ZNF611: variants seen among roughly 807,000 people sequenced by gnomAD.
The protein encoded by ZNF611 is zinc finger protein 611.
In ZNF611, 6 loss-of-function variants were observed where a neutral mutation model predicts 8.9. That is an observed-to-expected ratio of 0.68 (90% CI 0.37 to 1.34). ZNF611 has a LOEUF of 1.34. Ranked by LOEUF, ZNF611 falls within the 40% of genes most tolerant of loss-of-function variation. The probability of loss-of-function intolerance (pLI) is 0.02; values close to 1 mark genes in which losing one functional copy is unlikely to be tolerated. For synonymous variants in ZNF611, 262 were observed against 279.7 expected, an observed-to-expected ratio of 0.94 and a Z score of 0.63; for missense variants, 874 against 841.3, an observed-to-expected ratio of 1.04 and a Z score of -0.48.
chr19:52,710,932 C>CT (rs2062275386), intron 5 of ZNF611, among the ~76,000 whole-genome samples: 1 of 109,732 alleles, frequency 9.1e-6, no homozygotes, highest in Non-Finnish European at 1.9e-5. Flanking sequence ...GGATTATGTC[C>CT]TGAGGCAGGA....
chr19:52,726,521 C>T (rs1451277256), intron 3 of ZNF611, among the ~76,000 whole-genome samples: 1 of 151,712 alleles, frequency 6.6e-6, no homozygotes, highest in Non-Finnish European at 1.5e-5. Flanking sequence ...CCCGGGTTCA[C>T]GCCATTCTCC....
chr19:52,714,214 G>T (rs1300161678), intron 4 of ZNF611, 73 bp from the exon 5 acceptor site: 3 of 1,576,112 alleles, frequency 1.9e-6, no homozygotes, highest in Non-Finnish European at 2.6e-6. Context: ...AATGAGAAAT[G>T]AGAAAATAAG....
rs1568600365 is a variant in ZNF611 at position 52,706,713 on chromosome 19, C to G, written c.342G>C (p.Glu114Asp). The G allele has an allele frequency of 6.2e-7, 1 of 1,614,088 alleles. No homozygotes were observed. The highest frequency in any genetic ancestry group is 8.5e-7 in the Non-Finnish European group (1 of 1,180,022). The change falls in exon 6 of 6, where the codon GAG becomes GAC. Residue 114 changes from glutamate (E) to aspartate (D), a missense_variant. Glu to Asp is a conservative substitution (Grantham distance 45). Coordinates refer to ENST00000652185, the MANE Select transcript of ZNF611 (RefSeq NM_001161499.2). The stretch of plus-strand genomic sequence containing the variant: ...TTCTTTCATCTTCTTGACACTGAAA[C>G]TCAATGTCATGAATTTCTTTCTCAA... Reference protein sequence around the residue: ...QEIEKEIHDIEFQCQEDERNG... With the variant: ...QEIEKEIHDIDFQCQEDERNG...
chr19:52,714,109 T>C lies in ZNF611; in HGVS notation c.96A>G (p.Glu32=), dbSNP rs1380590617. ...GRLTFRDVAI[E]FSLAEWKCLN... ...GGCATTTCCACTCTGCCAATGAGAA[T>C]TCTATAGCCACATCCCGGAAAGTCA... The change falls in exon 5 of 6, where the codon GAA becomes GAG. Residue 32 remains glutamate, a synonymous_variant. Transcript: ENST00000652185. 6.2e-7 allele frequency: 1 copy of C among 1,613,894 alleles called. No individual in the cohort carries two copies. The highest frequency in any genetic ancestry group is 2.2e-5 in the East Asian group (1 of 44,878).
chr19:52,728,513 G>A (rs998535185), intron 3 of ZNF611, among the ~76,000 whole-genome samples: 2 of 152,030 alleles, frequency 1.3e-5, no homozygotes. Context: ...ACTCCAGCCT[G>A]GGCAACAAGA....
Position 52,705,777 on chromosome 19 carries a change from A to T in ZNF611, c.1278T>A (p.Tyr426Ter). The stretch of plus-strand genomic sequence containing the variant: ...AGGTCTTGCCACACTCATTACATTT[A>T]TAAGTTTTCTTTGCAGTATGAATTC... ...HRRIHTAKKT[Y>*]KCNECGKTFS... Residue 426 changes from tyrosine (Y) to a stop codon, truncating the protein, a stop_gained, in exon 6 of 6, where the codon TAT (tyrosine) becomes TAA (stop). Coordinates refer to ENST00000652185, the MANE Select transcript of ZNF611 (RefSeq NM_001161499.2). LOFTEE classifies it low-confidence loss of function (END_TRUNC). 1 of 1,611,640 alleles carries T rather than the reference A, an allele frequency of 6.2e-7. No individual in the cohort carries two copies. Among genetic ancestry groups the T allele is most frequent in the Non-Finnish European group, 8.5e-7 (1 of 1,179,232 alleles).
At chr19:52,715,581 C>A (rs1425433668) in intron 4 of ZNF611, among the ~76,000 whole-genome samples, 1 of 152,188 alleles carries the variant, frequency 6.6e-6, no homozygotes, top group African/African-American at 2.4e-5. Flanking sequence ...GCTCACACCC[C>A]ATGTTTATCC....
rs1391604184 is a variant in ZNF611 at position 52,728,736 on chromosome 19, T to G, written c.-26A>C. The stretch of plus-strand genomic sequence containing the variant: ...TAGGGTGTAGCTCACTCACCCAAGC[T>G]GGAGTGTGGTGGCAAAAACAGGGCT... On this transcript the variant is annotated 5_prime_UTR_variant, in exon 3 of 6. Transcript: ENST00000652185. 6.5e-6 allele frequency: 1 copy of G among 153,416 alleles called. No individual in the cohort carries two copies. The highest frequency in any genetic ancestry group is 1.9e-4 in the East Asian group (1 of 5,218). 9.5% of individuals were successfully genotyped at this position (153,416 alleles called of 1,614,324 possible). A position where few individuals can be genotyped will look rare whatever the true frequency, so the allele number is the denominator to read the frequency against.
In ZNF611 at chr19:52,706,632, T is replaced by C. The variant is rs1334826086; in HGVS notation, c.423A>G (p.Gln141=). 6.2e-7 allele frequency: 1 copy of C among 1,614,138 alleles called. No individual in the cohort carries two copies. Among genetic ancestry groups the C allele is most frequent in the Non-Finnish European group, 8.5e-7 (1 of 1,179,962 alleles). The part of the protein sequence containing the change: ...KIKKLTGSTD[Q]HDHRHAGNKP... ...TGTTTCCAGCATGCCTGTGATCATG[T>C]TGGTCTGTGCTACCAGTCAACTTTT... is the stretch of plus-strand genomic sequence containing the variant. The change falls in exon 6 of 6, where the codon CAA becomes CAG. Residue 141 remains glutamine, a synonymous_variant. Coordinates refer to ENST00000652185, the MANE Select transcript of ZNF611 (RefSeq NM_001161499.2).
Position 52,706,780 on chromosome 19 carries a change from C to A in ZNF611, c.275G>T (p.Arg92Ile). 1 of 1,614,110 alleles carries A rather than the reference C, an allele frequency of 6.2e-7. No individual in the cohort carries two copies. Among genetic ancestry groups the A allele is most frequent in the Non-Finnish European group, 8.5e-7 (1 of 1,180,004 alleles). ...TEVIHTGTLQ[R>I]HESHHIGDFC... is the part of the protein sequence containing the mutation. ...ATCTCCAATGTGATGACTTTCATGT[C>A]TTTGCAATGTCCCTGTGTGGATCAC... The change falls in exon 6 of 6, where the codon AGA (arginine) becomes ATA (isoleucine). Residue 92 changes from arginine (R) to isoleucine (I), a missense_variant. Coordinates refer to ENST00000652185, the MANE Select transcript of ZNF611 (RefSeq NM_001161499.2).
intron 3 of ZNF611, among the ~76,000 whole-genome samples, chr19:52,725,356 C>G (rs1445675986): frequency 6.6e-6 from 1 of 152,168 alleles, no homozygotes; most frequent in African/African-American, 2.4e-5. Context: ...AGGACTGGGG[C>G]CCCGGCGCTG....
chr19:52,705,930 A>T lies in ZNF611; in HGVS notation c.1125T>A (p.Cys375Ter). The T allele has an allele frequency of 6.2e-7, 1 of 1,614,134 alleles. No homozygotes were observed. The highest frequency in any genetic ancestry group is 8.5e-7 in the Non-Finnish European group (1 of 1,180,016). The change falls in exon 6 of 6, where the codon TGT (cysteine) becomes TGA (stop). Residue 375 changes from cysteine to a stop codon, truncating the protein, a stop_gained. Coordinates refer to ENST00000652185, the MANE Select transcript of ZNF611 (RefSeq NM_001161499.2). LOFTEE classifies it low-confidence loss of function (END_TRUNC). ...TGEKPYKCEE[C>*]DKVFSRKSTI... ...TTGATTTCCGACTGAAAACTTTGTC[A>T]CATTCTTCACATTTGTAAGGTTTCT... is the stretch of plus-strand genomic sequence containing the variant.
chr19:52,726,307 G>A (rs956658694), intron 3 of ZNF611, among the ~76,000 whole-genome samples: 1 of 152,100 alleles, frequency 6.6e-6, no homozygotes, highest in Non-Finnish European at 1.5e-5. Flanking sequence ...AGCAGCGGCG[G>A]GAGAATCGCT....
chr19:52,707,010 T>A (rs1472421196), intron 5 of ZNF611, 146 bp from the exon 6 acceptor site: 5 of 1,335,912 alleles, frequency 3.7e-6, no homozygotes, highest in Admixed American at 2.6e-5. Context: ...AGGAGCAATA[T>A]TCTTTAGTAA....
intron 3 of ZNF611, chr19:52,724,373 C>T (rs1315338801): frequency 2.0e-5 from 3 of 152,322 alleles, no homozygotes; most frequent in Non-Finnish European, 4.4e-5. Context: ...ATCCATTAAA[C>T]CTTGGGTCAA....
rs576574038 is a variant in ZNF611 at position 52,725,649 on chromosome 19, C to T, written c.-20+3081G>A. ...GCAAGAATTTCCAGGTCTGTGAGGACCCCACGTCCCAGGGACAGAAGTGCC... is the reference window on the plus strand; with the variant it reads ...GCAAGAATTTCCAGGTCTGTGAGGATCCCACGTCCCAGGGACAGAAGTGCC... On this transcript the variant is annotated intron_variant, in intron 3 of 5. Transcript: ENST00000652185. 5.0e-3 allele frequency among the ~76,000 whole-genome samples: 757 copies of T among 152,274 alleles called. 8 individuals are homozygous for T. Among genetic ancestry groups the T allele is most frequent in the African/African-American group, 0.017 (723 of 41,570 alleles).
intron 3 of ZNF611, among the ~76,000 whole-genome samples, chr19:52,717,415 G>A (rs1344529152): frequency 5.3e-5 from 8 of 152,146 alleles, no homozygotes; most frequent in African/African-American, 1.9e-4. Context: ...TAGGCAGAGG[G>A]ACAGCTCAAG....
intron 5 of ZNF611, chr19:52,707,339 G>C (rs1222447894): frequency 6.6e-6 from 1 of 151,050 alleles, no homozygotes; most frequent in African/African-American, 2.4e-5. Flanking sequence ...AAAAGCAATG[G>C]AAATTCCGTA....
At chr19:52,714,180 T>G (rs554779219) in intron 4 of ZNF611, 39 bp from the exon 5 acceptor site, 86 of 1,607,146 alleles carry the variant, frequency 5.4e-5, no homozygotes, top group East Asian at 4.2e-4. Context: ...CATTATGGAG[T>G]AATGAGTTAT....
Sources: gnomAD v4.1 joint callset for allele counts (sites outside exome capture counted in the v4.1 genomes callset) on GRCh38, gnomAD v4.1.1 for gene constraint, MANE v1.5 for transcripts, NCBI Gene and HGNC (gene_info 2026-07-23, HGNC 2026-07-21) for gene names.